The following HP1BP3 variants were observed in gnomAD, a reference collection of about 807,000 sequenced individuals.
The protein encoded by HP1BP3 is heterochromatin protein 1-binding protein 3.
HP1BP3 carries 12 observed loss-of-function variants against 62.5 expected under a neutral mutation model. The observed-to-expected ratio is 0.19, with a 90% CI of 0.12 to 0.31. The LOEUF is 0.31. HP1BP3 is among the 10% of genes least tolerant of loss of function. The pLI, the probability that HP1BP3 is intolerant of heterozygous loss-of-function variation, is 1.00. For synonymous variants in HP1BP3, 260 were observed against 237.8 expected, an observed-to-expected ratio of 1.09 and a Z score of -0.86; for missense variants, 502 against 651.8, an observed-to-expected ratio of 0.77 and a Z score of 2.50.
At chr1:20,768,378 A>G (rs1290254713) in intron 6 of HP1BP3, among the ~76,000 whole-genome samples, 4 of 152,180 alleles carry the variant, frequency 2.6e-5, no homozygotes, top group Admixed American at 1.3e-4. Context: ...CCCAGGAGGC[A>G]GAGCTTGCAG....
chr1:20,779,711 GAA>G (rs200327876), intron 3 of HP1BP3, 99 bp downstream of exon 3: 2,579 of 487,602 alleles, frequency 5.3e-3, no homozygotes, highest in East Asian at 0.01. Context: ...ACTTAGCCAT[GAA>G]AAAAAAAAAA....
chr1:20,750,145 C>T (rs2055619159), intron 9 of HP1BP3: 2 of 432,278 alleles, frequency 4.6e-6, no homozygotes, highest in East Asian at 5.3e-5. Flanking sequence ...CCCAAAGATA[C>T]TGACAACTGT....
chr1:20,762,820 C>T (rs993695759), intron 8 of HP1BP3, among the ~76,000 whole-genome samples: 2 of 152,090 alleles, frequency 1.3e-5, no homozygotes, highest in African/African-American at 4.8e-5. Flanking sequence ...TTCAGAACCT[C>T]CTGAGGCTGT....
At chr1:20,759,172 C>T (rs576918817) in intron 8 of HP1BP3, among the ~76,000 whole-genome samples, 4 of 152,236 alleles carry the variant, frequency 2.6e-5, no homozygotes, top group East Asian at 1.9e-4. Flanking sequence ...GGGCCGAGGC[C>T]GGCAGATCAC....
chr1:20,753,889 A>G (rs1176047029), intron 9 of HP1BP3, among the ~76,000 whole-genome samples: 1 of 152,186 alleles, frequency 6.6e-6, no homozygotes, highest in Non-Finnish European at 1.5e-5. Context: ...GACAATAGGC[A>G]TCTATGAAAA....
At position 20,779,909 on chromosome 1, in the gene HP1BP3, C is replaced by G; in HGVS notation, c.99G>C (p.Lys33Asn). ...QLIHADKLGEKVEDSTMPIRR... is the reference protein window; with the variant it reads ...QLIHADKLGENVEDSTMPIRR... ...GAATCGGCATGGTGCTATCTTCTAC[C>G]TTCTAAGAAAAGAGATGGCCATAAT... Residue 33 changes from lysine to asparagine, a missense_variant and splice_region_variant, in exon 3 of 13, where the codon AAG becomes AAC. Physicochemically the swap from Lys to Asn is moderately conservative, Grantham distance 94. Coordinates refer to ENST00000438032, the MANE Select transcript of HP1BP3 (RefSeq NM_001372052.1). 4 of 1,608,366 alleles carry G rather than the reference C, an allele frequency of 2.5e-6. No homozygotes were observed. Among genetic ancestry groups the G allele is most frequent in the Non-Finnish European group, 3.4e-6 (4 of 1,177,840 alleles).
At chr1:20,750,169 G>C in intron 9 of HP1BP3, 1 of 284,484 alleles carries the variant, frequency 3.5e-6, no homozygotes, top group Non-Finnish European at 6.3e-6. Flanking sequence ...CAATAAGCAG[G>C]TTAACCAGTT....
chr1:20,756,947 T>A (rs1299296485), intron 9 of HP1BP3, among the ~76,000 whole-genome samples: 1 of 152,184 alleles, frequency 6.6e-6, no homozygotes, highest in African/African-American at 2.4e-5. Context: ...CAACCGCAGG[T>A]GATCCACCTG....
At position 20,747,539 on chromosome 1, in the gene HP1BP3, C is replaced by A; in HGVS notation, c.1253+5G>T. The stretch of plus-strand genomic sequence containing the variant: ...ACAGTGATCTATTATAGGCTAAGTA[C>A]TTACCTGGGATAATAGGGAAAACAG... On this transcript the variant is annotated splice_donor_5th_base_variant and intron_variant, in intron 11 of 12. Coordinates refer to ENST00000438032, the MANE Select transcript of HP1BP3 (RefSeq NM_001372052.1). 1 of 1,557,252 alleles carries A rather than the reference C, an allele frequency of 6.4e-7. No individual in the cohort carries two copies. The highest frequency in any genetic ancestry group is 8.8e-7 in the Non-Finnish European group (1 of 1,130,270).
chr1:20,786,410 G>C (rs2057833279), intron 1 of HP1BP3: 1 of 152,010 alleles, frequency 6.6e-6, no homozygotes. Flanking sequence ...GACGGCAAGA[G>C]CAGCGGAGAC....
At chr1:20,778,885 G>A (rs988450466) in intron 3 of HP1BP3, among the ~76,000 whole-genome samples, 1 of 151,750 alleles carries the variant, frequency 6.6e-6, no homozygotes. Flanking sequence ...TGCCTCCTGG[G>A]CTCAAGCAAT....
In HP1BP3 at chr1:20,740,357, G is replaced by A. The variant is rs574679993; in HGVS notation, c.*4440C>T. ...AAAAAAAAGAGTTGTAATTTTTGAG[G>A]AAAATCGCTTCAGCCTTTTGAGGCC... is the stretch of plus-strand genomic sequence containing the variant. On this transcript the variant is annotated 3_prime_UTR_variant, in exon 13 of 13. Coordinates refer to ENST00000438032, the MANE Select transcript of HP1BP3 (RefSeq NM_001372052.1). Among the ~76,000 whole-genome samples the A allele has an allele frequency of 3.1e-4, 47 of 152,274 alleles. No individual in the cohort carries two copies. Among genetic ancestry groups the A allele is most frequent in the African/African-American group, 1.1e-3 (47 of 41,544 alleles).
At chr1:20,765,678 A>G in intron 7 of HP1BP3, 147 bp from the exon 8 acceptor site, 1 of 653,436 alleles carries the variant, frequency 1.5e-6, no homozygotes, top group South Asian at 1.9e-5. Flanking sequence ...AGCATTAAAA[A>G]TACATATAAA....
At chr1:20,770,805 A>T in intron 6 of HP1BP3, 125 bp downstream of exon 6, 1 of 710,596 alleles carries the variant, frequency 1.4e-6, no homozygotes, top group Non-Finnish European at 2.2e-6. Flanking sequence ...GGTTAAACTT[A>T]AGGAATTTCA....
intron 11 of HP1BP3, 63 bp from the exon 12 acceptor site, chr1:20,745,719 C>A: frequency 6.4e-7 from 1 of 1,558,312 alleles, no homozygotes; most frequent in Non-Finnish European, 8.8e-7. Context: ...ATAATGTGAA[C>A]CTAGATGCTC....
At chr1:20,773,640 G>A in intron 4 of HP1BP3, 30 bp from the exon 5 acceptor site, 3 of 1,463,156 alleles carry the variant, frequency 2.1e-6, no homozygotes, top group South Asian at 1.4e-5. Flanking sequence ...TATTATAGAA[G>A]ATAAGCTCTC....
At chr1:20,759,775 G>C (rs914427386) in intron 8 of HP1BP3, among the ~76,000 whole-genome samples, 3 of 152,134 alleles carry the variant, frequency 2.0e-5, no homozygotes, top group Admixed American at 6.6e-5. Context: ...TTCAGGTAAA[G>C]GGAATGCAAC....
At chr1:20,758,352 C>CT (rs71716877) in intron 8 of HP1BP3, among the ~76,000 whole-genome samples, 21,415 of 146,602 alleles carry the variant, frequency 0.15, 2,617 homozygotes, top group East Asian at 0.72. Flanking sequence ...TTAAACACTC[C>CT]TTTTTTTTTT....
chr1:20,744,829 TG>T lies in HP1BP3; in HGVS notation c.1629del (p.Thr544ProfsTer2). 6.2e-7 allele frequency: 1 copy of T among 1,612,012 alleles called. No homozygotes were observed. Among genetic ancestry groups the T allele is most frequent in the Non-Finnish European group, 8.5e-7 (1 of 1,179,604 alleles). On this transcript the variant is annotated frameshift_variant, in exon 13 of 13. Coordinates refer to ENST00000438032, the MANE Select transcript of HP1BP3 (RefSeq NM_001372052.1). LOFTEE classifies it high-confidence loss of function. Reference sequence around the variant, plus strand: ...TTCACTCTGAAAGACTTCTTCATGGTGGATTTGCCCTTGCCCGGCAATTTTA... The same window carrying T: ...TTCACTCTGAAAGACTTCTTCATGGTGATTTGCCCTTGCCCGGCAATTTTA... ...KEVKLPGKGK[S>X]TMKKSFRVKK
Sources: gnomAD v4.1 joint callset for allele counts (sites outside exome capture counted in the v4.1 genomes callset) on GRCh38, gnomAD v4.1.1 for gene constraint, MANE v1.5 for transcripts, NCBI Gene and HGNC (gene_info 2026-07-23, HGNC 2026-07-21) for gene names.